The following GORAB variants were observed in gnomAD, a reference collection of about 807,000 sequenced individuals.
The protein encoded by GORAB is golgin, RAB6 interacting, also known as RAB6-interacting golgin.
A neutral mutation model predicts 29.9 loss-of-function variants in GORAB; 17 were observed. The ratio of observed to expected loss-of-function variants is 0.57; its 90% confidence interval spans 0.39 to 0.85. GORAB has a LOEUF of 0.85. Ranked by LOEUF, GORAB falls within the 40% of genes least tolerant of loss-of-function variation. The pLI is 0.00. For missense variants in GORAB, 442 were observed against 437.8 expected, an observed-to-expected ratio of 1.01 and a Z score of -0.09; for synonymous variants, 183 against 157.2, an observed-to-expected ratio of 1.16 and a Z score of -1.23.
intron 2 of GORAB, among the ~76,000 whole-genome samples, chr1:170,540,530 TA>T (rs1649350763): frequency 6.6e-6 from 1 of 152,168 alleles, no homozygotes; most frequent in Admixed American, 6.5e-5. Context: ...TCCTGTCCAC[TA>T]GGGGTTTACA....
chr1:170,545,867 A>G (rs958569346), intron 4 of GORAB: 28 of 411,586 alleles, frequency 6.8e-5, no homozygotes, highest in Non-Finnish European at 9.2e-5. Flanking sequence ...GTCTTTATTA[A>G]TTAACTACTT....
intron 2 of GORAB, among the ~76,000 whole-genome samples, chr1:170,541,318 C>T (rs17346300): frequency 0.039 from 5,861 of 151,670 alleles, 148 homozygotes; most frequent in Non-Finnish European, 0.053. Context: ...GGGATGCCTT[C>T]CTTCCTAGCA....
At chr1:170,534,488 T>C (rs1004726000) in intron 1 of GORAB, among the ~76,000 whole-genome samples, 1 of 152,210 alleles carries the variant, frequency 6.6e-6, no homozygotes, top group African/African-American at 2.4e-5. Context: ...TATCCTCATA[T>C]ACCAAGGATC....
In GORAB at chr1:170,552,370, G is replaced by T; in HGVS notation, c.1018G>T (p.Asp340Tyr). The T allele has an allele frequency of 2.5e-6, 4 of 1,614,020 alleles. No homozygotes were observed. In the South Asian group the frequency reaches 4.4e-5, roughly 18 times the overall value. The change falls in exon 5 of 5, where the codon GAC becomes TAC. Residue 340 changes from aspartate to tyrosine, a missense_variant. Asp to Tyr is a radical substitution (Grantham distance 160). Coordinates refer to ENST00000367763, the MANE Select transcript of GORAB (RefSeq NM_152281.3). ...QEQAVSPKVD[D>Y]QCGNSSSIPF... is the part of the protein sequence containing the mutation. ...ACAAGCTGTTTCCCCAAAGGTAGATGACCAGTGTGGAAATTCCAGTAGCAT... is the reference window on the plus strand; with the variant it reads ...ACAAGCTGTTTCCCCAAAGGTAGATTACCAGTGTGGAAATTCCAGTAGCAT...
intron 3 of GORAB, among the ~76,000 whole-genome samples, chr1:170,543,975 T>G (rs954964379): frequency 6.6e-6 from 1 of 152,234 alleles, no homozygotes; most frequent in Non-Finnish European, 1.5e-5. Flanking sequence ...GGGATTTTTC[T>G]TCTTCCTTCA....
rs754982183 is a variant in GORAB, at chr1:170,552,150, G to A, written c.798G>A (p.Lys266=). The A allele has an allele frequency of 1.2e-6, 2 of 1,614,116 alleles. No homozygotes were observed. Among genetic ancestry groups the A allele is most frequent in the South Asian group, 1.1e-5 (1 of 91,088 alleles). The change falls in exon 5 of 5, where the codon AAG becomes AAA. Residue 266 remains lysine, a synonymous_variant. Coordinates refer to ENST00000367763, the MANE Select transcript of GORAB (RefSeq NM_152281.3). ...AAAATGAGCTCCGAAAGGCCAAGAA[G>A]TTGGAGGAGTTGATGCAACAACTAG... ...IQQNELRKAK[K]LEELMQQLDV... is the part of the protein sequence containing the mutation.
chr1:170,544,801 C>G lies in GORAB; in HGVS notation c.618C>G (p.Leu206=). 1.9e-6 allele frequency: 3 copies of G among 1,614,056 alleles called. No individual in the cohort carries two copies. The highest frequency in any genetic ancestry group is 2.5e-6 in the Non-Finnish European group (3 of 1,179,952). The change falls in exon 4 of 5, where the codon CTC becomes CTG. Residue 206 remains leucine, a synonymous_variant. Transcript: ENST00000367763. ...DDMVSADIGI[L]RNRIDQASLD... ...TGGTGTCAGCTGACATTGGAATTCT[C>G]AGGAACCGGATTGATCAGGCCAGCT...
intron 4 of GORAB, 161 bp downstream of exon 4, chr1:170,545,006 T>A (rs562615816): frequency 7.3e-7 from 1 of 1,365,308 alleles, no homozygotes; most frequent in South Asian, 2.1e-5. Context: ...TGTCTCCTCT[T>A]CAGTGAAGTC....
At chr1:170,547,162 T>A (rs1192801805) in intron 4 of GORAB, among the ~76,000 whole-genome samples, 1 of 152,184 alleles carries the variant, frequency 6.6e-6, no homozygotes, top group Non-Finnish European at 1.5e-5. Context: ...ATGGTCCAGA[T>A]TTGAAGTGAA....
Position 170,532,485 on chromosome 1 carries a change from G to T in GORAB, c.61+201G>T, listed in dbSNP as rs1419029150. ...CGGGAGGGGCAAGCCAGAGGACTGG[G>T]ATCTTCTTTTAGAAAAAACGGTCCA... On this transcript the variant is annotated intron_variant, in intron 1 of 4. Transcript: ENST00000367763. 3 of 594,030 alleles carry T rather than the reference G, an allele frequency of 5.1e-6. No homozygotes were observed. In the Admixed American group the frequency reaches 8.6e-5, roughly 17 times the overall value. The allele number at this position is 594,030 out of a possible 1,614,324, so 36.8% of individuals were successfully genotyped here. A position where few individuals can be genotyped will look rare whatever the true frequency, so the allele number is the denominator to read the frequency against.
chr1:170,546,626 A>G (rs534291986), intron 4 of GORAB, among the ~76,000 whole-genome samples: 1 of 152,156 alleles, frequency 6.6e-6, no homozygotes, highest in African/African-American at 2.4e-5. Context: ...ACAGTTTCTC[A>G]TGGTACTAAT....
rs1022806933 is a variant in GORAB, at chr1:170,544,450, A to C, written c.522-255A>C. On this transcript the variant is annotated intron_variant, in intron 3 of 4. Coordinates refer to ENST00000367763, the MANE Select transcript of GORAB (RefSeq NM_152281.3). ...AGTGTTTGTTCTCTTTACAGAATGAATATCAATCTAAAATGAACTATTTGC... is the reference window on the plus strand; with the variant it reads ...AGTGTTTGTTCTCTTTACAGAATGACTATCAATCTAAAATGAACTATTTGC... Among the ~76,000 whole-genome samples, 5 of 152,354 alleles carry C rather than the reference A, an allele frequency of 3.3e-5. No individual in the cohort carries two copies. The East Asian group carries it at 9.6e-4, about 29-fold the overall frequency.
At chr1:170,550,116 C>T (rs1261405128) in intron 4 of GORAB, among the ~76,000 whole-genome samples, 1 of 152,210 alleles carries the variant, frequency 6.6e-6, no homozygotes, top group Admixed American at 6.5e-5. Flanking sequence ...TTCCCCAACC[C>T]CTTCCAGAGG....
rs1438970077 is a variant in GORAB at position 170,553,731 on chromosome 1, G to A, written c.*1269G>A. On this transcript the variant is annotated 3_prime_UTR_variant, in exon 5 of 5. Transcript: ENST00000367763. ...TTACTACTGACTTCTCTAAACAGAA[G>A]CATTTCTATAGATAGTTGTGCTTTT... 1 of 451,128 alleles carries A rather than the reference G, an allele frequency of 2.2e-6. No homozygotes were observed. Among genetic ancestry groups the A allele is most frequent in the Admixed American group, 2.4e-5 (1 of 42,096 alleles). The allele number at this position is 451,128 out of a possible 1,614,324, so 27.9% of individuals were successfully genotyped here.
At chr1:170,548,988 TAGTG>T (rs1299444562) in intron 4 of GORAB, among the ~76,000 whole-genome samples, 3 of 152,130 alleles carry the variant, frequency 2.0e-5, no homozygotes, top group Non-Finnish European at 2.9e-5. Context: ...TTTATACAAA[TAGTG>T]AGAACTGCTC....
intron 1 of GORAB, among the ~76,000 whole-genome samples, chr1:170,535,856 T>A (rs1649028330): frequency 1.3e-5 from 2 of 152,122 alleles, no homozygotes; most frequent in Admixed American, 1.3e-4. Flanking sequence ...CTCCAGGCCT[T>A]AATTTTAATG....
chr1:170,541,378 C>T (rs376130942), intron 2 of GORAB, among the ~76,000 whole-genome samples: 16 of 151,896 alleles, frequency 1.1e-4, no homozygotes, highest in African/African-American at 2.9e-4. Flanking sequence ...GGCTAAAGGC[C>T]GCAATCAAAA....
rs564613086 is a variant in GORAB at position 170,547,345 on chromosome 1, TTGGATAGA to T, written c.662+2501_662+2508del. 1.2e-3 allele frequency among the ~76,000 whole-genome samples: 179 copies of T among 152,290 alleles called. 4 individuals are homozygous for T. The South Asian group carries it at 0.036, about 30-fold the overall frequency. ...AAAATTGGCTTCTGTAGAGCAGTGT[TTGGATAGA>T]CACCTCTGAGAAGACTAGCACTTTG... On this transcript the variant is annotated intron_variant, in intron 4 of 4. Transcript: ENST00000367763.
chr1:170,548,750 A>G (rs1487900411), intron 4 of GORAB, among the ~76,000 whole-genome samples: 1 of 152,204 alleles, frequency 6.6e-6, no homozygotes, highest in Admixed American at 6.5e-5. Context: ...ATAATTGATA[A>G]GTAATGATGA....
Sources: allele counts gnomAD v4.1 joint callset (sites outside exome capture counted in the v4.1 genomes callset), GRCh38; gene constraint gnomAD v4.1.1; transcripts MANE v1.5; gene names NCBI Gene and HGNC (gene_info 2026-07-23, HGNC 2026-07-21).